TMEM135: variants seen among roughly 807,000 people sequenced by gnomAD.
TMEM135 encodes peroxisomal membrane protein 52.
In TMEM135, 30 loss-of-function variants were observed where a neutral mutation model predicts 60.3. The observed-to-expected ratio is 0.50, with a 90% CI of 0.37 to 0.68. The LOEUF is 0.68. Ranked by LOEUF, TMEM135 falls within the 30% of genes least tolerant of loss-of-function variation. The pLI is 0.00. For missense variants in TMEM135, 468 were observed against 548.8 expected (o/e 0.85, Z 1.47); for synonymous variants, 190 against 186.7 (o/e 1.02, Z -0.14).
chr11:87,316,285 TGAGA>T (rs762821907), intron 12 of TMEM135, among the ~76,000 whole-genome samples: 6 of 149,310 alleles, frequency 4.0e-5, no homozygotes, highest in Non-Finnish European at 7.5e-5. Flanking sequence ...TGTGTGTGTG[TGAGA>T]GAGAGAGAGA....
At chr11:87,063,826 A>G (rs940409774) in intron 1 of TMEM135, among the ~76,000 whole-genome samples, 3 of 152,220 alleles carry the variant, frequency 2.0e-5, no homozygotes, top group Non-Finnish European at 4.4e-5. Context: ...GTCTATCAAT[A>G]TGGTAAATAT....
intron 6 of TMEM135, among the ~76,000 whole-genome samples, chr11:87,276,914 C>T (rs574648582): frequency 1.3e-5 from 2 of 151,718 alleles, no homozygotes; most frequent in East Asian, 2.0e-4. Context: ...TCAGTTGGTC[C>T]GCCTGCCTCG....
intron 5 of TMEM135, among the ~76,000 whole-genome samples, chr11:87,221,268 A>G (rs556631569): frequency 8.3e-4 from 126 of 152,322 alleles, no homozygotes; most frequent in African/African-American, 2.9e-3. Context: ...TGCAGGCATT[A>G]TGAAAAAACC....
intron 5 of TMEM135, among the ~76,000 whole-genome samples, chr11:87,167,125 A>G (rs1347701454): frequency 6.6e-6 from 1 of 152,142 alleles, no homozygotes; most frequent in Non-Finnish European, 1.5e-5. Context: ...ATCAATGTGT[A>G]GGAATGCTTG....
intron 4 of TMEM135, among the ~76,000 whole-genome samples, chr11:87,096,991 G>A (rs956942629): frequency 6.9e-6 from 1 of 144,970 alleles, no homozygotes; most frequent in Non-Finnish European, 1.5e-5. Flanking sequence ...AGTATTCCTG[G>A]AAGCCACTCT....
At chr11:87,306,581 A>G (rs1942547378) in intron 9 of TMEM135, among the ~76,000 whole-genome samples, 1 of 152,062 alleles carries the variant, frequency 6.6e-6, no homozygotes, top group African/African-American at 2.4e-5. Context: ...CTTGAGTACT[A>G]GTGTGTCTCT....
At chr11:87,105,667 T>C (rs759527422) in intron 4 of TMEM135, among the ~76,000 whole-genome samples, 4 of 152,248 alleles carry the variant, frequency 2.6e-5, no homozygotes, top group Non-Finnish European at 5.9e-5. Flanking sequence ...CTACATGTAA[T>C]ATTTTGATAC....
Position 87,252,669 on chromosome 11 carries a change from G to C in TMEM135, c.509+15985G>C, listed in dbSNP as rs546215543. On this transcript the variant is annotated intron_variant, in intron 6 of 14. Transcript: ENST00000305494. ...GCCTGTAATCCCAGCTACTTGGGTG[G>C]CTGAGGCAGGAGAATCGCCTGGACC... is the stretch of plus-strand genomic sequence containing the variant. 3.0e-4 allele frequency among the ~76,000 whole-genome samples: 45 copies of C among 152,058 alleles called. 2 individuals carry two copies. The South Asian group carries it at 9.1e-3, about 31-fold the overall frequency.
intron 5 of TMEM135, among the ~76,000 whole-genome samples, chr11:87,170,641 T>G (rs1428039322): frequency 6.6e-6 from 1 of 152,164 alleles, no homozygotes; most frequent in East Asian, 1.9e-4. Context: ...CAAAGATTGC[T>G]GCGTGTTCCT....
At chr11:87,242,757 T>G (rs1941168636) in intron 6 of TMEM135, among the ~76,000 whole-genome samples, 1 of 140,794 alleles carries the variant, frequency 7.1e-6, no homozygotes, top group Admixed American at 7.1e-5. Flanking sequence ...TATTAGCCCT[T>G]TGTCAGATGA....
chr11:87,251,427 C>G (rs1409929305), intron 6 of TMEM135, among the ~76,000 whole-genome samples: 2 of 152,114 alleles, frequency 1.3e-5, no homozygotes, highest in Non-Finnish European at 2.9e-5. Flanking sequence ...CACTAGCTGT[C>G]TGACTTTAGA....
chr11:87,174,285 A>G (rs2135293555), intron 5 of TMEM135, among the ~76,000 whole-genome samples: 1 of 152,228 alleles, frequency 6.6e-6, no homozygotes, highest in East Asian at 1.9e-4. Context: ...GATACCTTAC[A>G]CATGTCTATT....
At chr11:87,200,866 A>G (rs1940078665) in intron 5 of TMEM135, among the ~76,000 whole-genome samples, 1 of 152,150 alleles carries the variant, frequency 6.6e-6, no homozygotes, top group Non-Finnish European at 1.5e-5. Context: ...ATGTAAATGT[A>G]TGGTATGTAG....
chr11:87,272,061 T>G (rs1408779266), intron 6 of TMEM135, among the ~76,000 whole-genome samples: 1 of 148,194 alleles, frequency 6.7e-6, no homozygotes. Flanking sequence ...CTTTTTTTTT[T>G]TTTTTTTTTT....
chr11:87,151,137 C>T (rs1938545043), intron 4 of TMEM135, among the ~76,000 whole-genome samples: 1 of 152,006 alleles, frequency 6.6e-6, no homozygotes, highest in Non-Finnish European at 1.5e-5. Flanking sequence ...TCTAAAAAAT[C>T]ACTGTGCTGA....
In TMEM135 at chr11:87,166,450, A is replaced by C. The variant is rs748169443; in HGVS notation, c.462+9044A>C. Among the ~76,000 whole-genome samples, 65 of 151,770 alleles carry C rather than the reference A, an allele frequency of 4.3e-4. No individual in the cohort carries two copies. The Middle Eastern group carries it at 0.014, about 32-fold the overall frequency. Reference sequence around the variant, plus strand: ...TTTATGGTTTTAGGTCTTACGTTTAAGTCTTTAATCCATCTCGAGTTAATT... The same window carrying C: ...TTTATGGTTTTAGGTCTTACGTTTACGTCTTTAATCCATCTCGAGTTAATT... On this transcript the variant is annotated intron_variant, in intron 5 of 14. Coordinates refer to ENST00000305494, the MANE Select transcript of TMEM135 (RefSeq NM_022918.4).
intron 1 of TMEM135, among the ~76,000 whole-genome samples, chr11:87,057,755 A>G (rs1049725733): frequency 4.6e-5 from 7 of 152,064 alleles, no homozygotes; most frequent in Non-Finnish European, 1.5e-5. Flanking sequence ...GAAGCAATTC[A>G]GATTTAGCTT....
chr11:87,231,042 T>C (rs1215614520), intron 5 of TMEM135, among the ~76,000 whole-genome samples: 3 of 152,014 alleles, frequency 2.0e-5, no homozygotes, highest in African/African-American at 4.8e-5. Flanking sequence ...CAGTGTTCCC[T>C]GAGATATAGG....
chr11:87,210,253 A>G (rs906128890), intron 5 of TMEM135, among the ~76,000 whole-genome samples: 1 of 152,168 alleles, frequency 6.6e-6, no homozygotes, highest in African/African-American at 2.4e-5. Context: ...ATTAAACAGG[A>G]TTGTTGTGGC....
Sources: allele counts gnomAD v4.1 joint callset (sites outside exome capture counted in the v4.1 genomes callset), GRCh38; gene constraint gnomAD v4.1.1; transcripts MANE v1.5; gene names NCBI Gene and HGNC (gene_info 2026-07-23, HGNC 2026-07-21).